ADAMTSL3: variants seen among roughly 807,000 people sequenced by gnomAD.
ADAMTSL3 encodes the protein ADAMTS-like protein 3.
In ADAMTSL3, 128 loss-of-function variants were observed where a neutral mutation model predicts 201.7. The ratio of observed to expected loss-of-function variants is 0.63; its 90% CI spans 0.55 to 0.73. The LOEUF (loss-of-function observed/expected upper bound fraction) is 0.73. Among genes scored for constraint, ADAMTSL3 ranks in the 30% least tolerant of loss-of-function variants. The pLI, the probability that ADAMTSL3 is intolerant of heterozygous loss-of-function variation, is 0.00. For synonymous variants in ADAMTSL3, 738 were observed against 748.4 expected (o/e 0.99, Z 0.23); for missense variants, 1,990 against 2,119.6 (o/e 0.94, Z 1.20).
chr15:83,694,022 G>A (rs1260681970), intron 2 of ADAMTSL3, among the ~76,000 whole-genome samples: 1 of 152,234 alleles, frequency 6.6e-6, no homozygotes, highest in African/African-American at 2.4e-5. Context: ...ATGAGTGTTA[G>A]TGGTGAAGAG....
chr15:83,899,232 T>G (rs973320717), intron 14 of ADAMTSL3, among the ~76,000 whole-genome samples: 1 of 152,176 alleles, frequency 6.6e-6, no homozygotes, highest in Admixed American at 6.5e-5. Flanking sequence ...CCCCCTAACT[T>G]TCTTAACTTT....
At chr15:83,986,984 A>C (rs544238176) in intron 21 of ADAMTSL3, among the ~76,000 whole-genome samples, 1 of 152,244 alleles carries the variant, frequency 6.6e-6, no homozygotes, top group African/African-American at 2.4e-5. Context: ...AGGTTCACGC[A>C]TGCTCAGCTA....
chr15:83,968,852 C>T lies in ADAMTSL3; in HGVS notation c.2491-1632C>T, dbSNP rs545068888. On this transcript the variant is annotated intron_variant, in intron 19 of 29. Coordinates refer to ENST00000286744, the MANE Select transcript of ADAMTSL3 (RefSeq NM_207517.3). Reference sequence around the variant, plus strand: ...AAAAGGATGAGTTCATGTCCTTTGTCGGGACATGGATGGAACTGGAGACCA... The same window carrying T: ...AAAAGGATGAGTTCATGTCCTTTGTTGGGACATGGATGGAACTGGAGACCA... Among the ~76,000 whole-genome samples, 9 of 152,208 alleles carry T rather than the reference C, an allele frequency of 5.9e-5. No homozygotes were observed. In the South Asian group the frequency reaches 8.3e-4, roughly 14 times the overall value.
intron 10 of ADAMTSL3, among the ~76,000 whole-genome samples, chr15:83,887,506 C>G (rs1055592580): frequency 6.6e-6 from 1 of 152,198 alleles, no homozygotes; most frequent in African/African-American, 2.4e-5. Flanking sequence ...CCAGAATTTT[C>G]TTGAATGTTA....
At chr15:83,853,078 C>T (rs962937651) in intron 7 of ADAMTSL3, among the ~76,000 whole-genome samples, 1 of 152,188 alleles carries the variant, frequency 6.6e-6, no homozygotes, top group Non-Finnish European at 1.5e-5. Flanking sequence ...TGGTCTTGAA[C>T]TCCTGACCTC....
At chr15:83,717,407 G>A (rs1436539622) in intron 3 of ADAMTSL3, 1 of 152,166 alleles carries the variant, frequency 6.6e-6, no homozygotes, top group Non-Finnish European at 1.5e-5. Flanking sequence ...TATAATTACA[G>A]TTTACTCTTC....
At chr15:83,919,202 T>A (rs2066092223) in intron 16 of ADAMTSL3, among the ~76,000 whole-genome samples, 1 of 152,150 alleles carries the variant, frequency 6.6e-6, no homozygotes, top group Non-Finnish European at 1.5e-5. Flanking sequence ...ATGCATCATC[T>A]GTGCATCCAA....
At chr15:83,864,790 A>AG (rs773717960) in intron 8 of ADAMTSL3, among the ~76,000 whole-genome samples, 12 of 152,198 alleles carry the variant, frequency 7.9e-5, no homozygotes, top group South Asian at 2.1e-4. Context: ...AAAGAAATAA[A>AG]GGGTATTCAA....
At chr15:84,029,117 G>A (rs1369036656) in intron 27 of ADAMTSL3, among the ~76,000 whole-genome samples, 1 of 152,192 alleles carries the variant, frequency 6.6e-6, no homozygotes, top group Non-Finnish European at 1.5e-5. Context: ...GTACAGCAGA[G>A]AGAGGGATGT....
At chr15:83,895,265 C>T (rs2065588764) in intron 13 of ADAMTSL3, among the ~76,000 whole-genome samples, 1 of 152,148 alleles carries the variant, frequency 6.6e-6, no homozygotes, top group Non-Finnish European at 1.5e-5. Context: ...ATCTCAGCTG[C>T]AAAAGGATTT....
At chr15:83,761,756 T>A (rs1298692572) in intron 3 of ADAMTSL3, among the ~76,000 whole-genome samples, 1 of 152,226 alleles carries the variant, frequency 6.6e-6, no homozygotes, top group East Asian at 1.9e-4. Flanking sequence ...TTTAAGAATT[T>A]ATTTTTAACA....
chr15:83,753,437 C>G (rs1041375535), intron 3 of ADAMTSL3, among the ~76,000 whole-genome samples: 2 of 152,150 alleles, frequency 1.3e-5, no homozygotes, highest in Admixed American at 1.3e-4. Context: ...GCACTGGCTT[C>G]TTTCATTACT....
rs111881848 is a variant in ADAMTSL3 at position 83,883,520 on chromosome 15, C to CT, written c.961-1569dup. Among the ~76,000 whole-genome samples, 217 of 143,796 alleles carry CT rather than the reference C, an allele frequency of 1.5e-3. 1 individual carries two copies. The highest frequency in any genetic ancestry group is 4.9e-3 in the African/African-American group (193 of 39,612). The allele number at this position is 143,796 out of a possible 152,430, so 94.3% of individuals were successfully genotyped here. A position where few individuals can be genotyped will look rare whatever the true frequency, so the allele number is the denominator to read the frequency against. ...AAAATTTTTTATCCCAATTTTATTT[C>CT]TTTTTTTTTTTTCAATTGCATTTTT... On this transcript the variant is annotated intron_variant, in intron 9 of 29. Transcript: ENST00000286744.
In ADAMTSL3 at chr15:83,654,509, T is replaced by C. The variant is rs1029862528; in HGVS notation, c.-34+233T>C. Among the ~76,000 whole-genome samples, 8 of 151,968 alleles carry C rather than the reference T, an allele frequency of 5.3e-5. No homozygotes were observed. The highest frequency in any genetic ancestry group is 1.9e-4 in the African/African-American group (8 of 41,396). On this transcript the variant is annotated intron_variant, in intron 1 of 29. Transcript: ENST00000286744. This position sits in a 1 kb window ranked among gnomAD's most constrained non-coding sequence, Gnocchi z 5.3. Reference sequence around the variant, plus strand: ...TCCCGGAAGGTTCAGGGAGAGTCTTTCGGCGGCAGTTCGCGGGCTGAGGGG... The same window carrying C: ...TCCCGGAAGGTTCAGGGAGAGTCTTCCGGCGGCAGTTCGCGGGCTGAGGGG...
At chr15:83,725,196 C>G (rs544727697) in intron 3 of ADAMTSL3, among the ~76,000 whole-genome samples, 21 of 150,752 alleles carry the variant, frequency 1.4e-4, no homozygotes, top group African/African-American at 5.1e-4. Flanking sequence ...TCCTCTTTCT[C>G]CACATTCTTG....
At position 83,845,521 on chromosome 15, in the gene ADAMTSL3, A is replaced by G. The variant is rs1231133572; in HGVS notation, c.727+7306A>G. On this transcript the variant is annotated intron_variant, in intron 7 of 29. Coordinates refer to ENST00000286744, the MANE Select transcript of ADAMTSL3 (RefSeq NM_207517.3). ...CTCTGACAATCTATCTTCTTAGGCA[A>G]GATGCTTCACTTACTGCGACCTCAA... is the stretch of plus-strand genomic sequence containing the variant. Among the ~76,000 whole-genome samples, 3 of 152,228 alleles carry G rather than the reference A, an allele frequency of 2.0e-5. No homozygotes were observed. The East Asian group carries it at 5.8e-4, about 29-fold the overall frequency.
intron 3 of ADAMTSL3, among the ~76,000 whole-genome samples, chr15:83,755,759 A>G (rs1596146848): frequency 6.9e-6 from 1 of 144,230 alleles, no homozygotes; most frequent in Non-Finnish European, 1.5e-5. Flanking sequence ...CCTGCTTTCA[A>G]TTTTTTTTTT....
chr15:84,026,683 A>T (rs1409268990), intron 27 of ADAMTSL3, among the ~76,000 whole-genome samples: 2 of 152,234 alleles, frequency 1.3e-5, no homozygotes, highest in Non-Finnish European at 1.5e-5. Context: ...TTGAGAAACC[A>T]TTCAATGGGG....
At chr15:84,019,725 C>G (rs781070314) in intron 25 of ADAMTSL3, among the ~76,000 whole-genome samples, 10 of 151,724 alleles carry the variant, frequency 6.6e-5, no homozygotes, top group Non-Finnish European at 7.4e-5. Context: ...AACCCCATCT[C>G]TACTGAAAAT....
Sources: allele counts gnomAD v4.1 joint callset (sites outside exome capture counted in the v4.1 genomes callset), GRCh38; gene constraint gnomAD v4.1.1; non-coding constraint Gnocchi (gnomAD v3.1); transcripts MANE v1.5; gene names NCBI Gene and HGNC (gene_info 2026-07-23, HGNC 2026-07-21).